TTN: variants seen among roughly 807,000 people sequenced by gnomAD.
TTN encodes titin.
Under a neutral mutation model 3,223.0 loss-of-function variants are expected in TTN, and 1,525 were observed. The observed-to-expected ratio is 0.47, with a 90% CI of 0.45 to 0.49. The LOEUF (loss-of-function observed/expected upper bound fraction) is 0.49. Among genes scored for constraint, TTN ranks in the 20% least tolerant of loss-of-function variants. The pLI is 0.00. For synonymous variants in TTN, 14,094 were observed against 15,161.0 expected (o/e 0.93, Z 5.17); for missense variants, 40,786 against 43,424.0 (o/e 0.94, Z 5.40).
rs1224789093 is a variant in TTN at position 178,554,598 on chromosome 2, C to T, written c.88749G>A (p.Met29583Ile). 6.2e-7 allele frequency: 1 copy of T among 1,613,850 alleles called. No individual in the cohort carries two copies. The highest frequency in any genetic ancestry group is 8.5e-7 in the Non-Finnish European group (1 of 1,179,834). ...TGCACTCTTCCAAATGTTCAGACAC[C>T]ATAGACCACACAACGCGGCTTGTCT... ...KRETSRVVWS[M>I]VSEHLEECII... is the part of the protein sequence containing the mutation. The change falls in exon 332 of 363, where the codon ATG becomes ATA. Residue 29583 changes from methionine to isoleucine, a missense_variant. Physicochemically the swap from Met to Ile is conservative, Grantham distance 10. Coordinates refer to ENST00000589042, the MANE Select transcript of TTN (RefSeq NM_001267550.2).
chr2:178,641,358 A>G (rs760132082), intron 219 of TTN, 43 bp from the exon 220 acceptor site: 1 of 1,152,836 alleles, frequency 8.7e-7, no homozygotes, highest in South Asian at 1.5e-5. Flanking sequence ...AGACAAACTA[A>G]TGAAGATGTT....
chr2:178,731,746 C>A lies in TTN; in HGVS notation c.17129G>T (p.Arg5710Leu). 1 of 1,613,638 alleles carries A rather than the reference C, an allele frequency of 6.2e-7. No homozygotes were observed. Among genetic ancestry groups the A allele is most frequent in the Non-Finnish European group, 8.5e-7 (1 of 1,179,716 alleles). Residue 5710 changes from arginine to leucine, a missense_variant, in exon 58 of 363, where the codon CGG (arginine) becomes CTG (leucine). Physicochemically the swap from Arg to Leu is moderately radical, Grantham distance 102. Transcript: ENST00000589042. ...GCTGCTGCCCACCTCATTGGTCACC[C>A]GACACTGGTATTCGCCAGCATCTGC... ...VAADAGEYQC[R>L]VTNEVGSSIC... is the part of the protein sequence containing the mutation.
intron 2 of TTN, 99 bp downstream of exon 2, chr2:178,804,453 A>T: frequency 8.3e-7 from 1 of 1,207,946 alleles, no homozygotes; most frequent in Non-Finnish European, 1.2e-6. Flanking sequence ...TCCGAAGTGA[A>T]AGCAGGGCTT....
Position 178,576,437 on chromosome 2 carries a change from C to A in TTN, c.69716-21G>T. On this transcript the variant is annotated intron_variant, in intron 325 of 362. Transcript: ENST00000589042. The surrounding 1 kb of genome is among the most constrained non-coding windows in gnomAD (Gnocchi z 4.3). ...AGGATCTGAGAAAGAAACAAAGACA[C>A]AAAAGTATATATTCAGAGTTTGGCT... The A allele has an allele frequency of 3.2e-6, 5 of 1,581,122 alleles. No individual in the cohort carries two copies. Among genetic ancestry groups the A allele is most frequent in the Non-Finnish European group, 3.4e-6 (4 of 1,170,726 alleles).
At chr2:178,747,807 C>T in intron 47 of TTN, 1 of 1,612,656 alleles carries the variant, frequency 6.2e-7, no homozygotes, top group Non-Finnish European at 8.5e-7. Flanking sequence ...TCATTCTGAA[C>T]TTGAACTTCT....
At chr2:178,794,779 T>A in intron 7 of TTN, 143 bp downstream of exon 7, 1 of 1,180,838 alleles carries the variant, frequency 8.5e-7, no homozygotes, top group Non-Finnish European at 1.2e-6. Flanking sequence ...GCATGACTAC[T>A]GAATTTGGTC....
Position 178,539,365 on chromosome 2 carries a change from G to A in TTN, c.98683+17C>T. On this transcript the variant is annotated intron_variant, in intron 352 of 362. Transcript: ENST00000589042. ...CTGAAATAATGTTTATAATTTTGTG[G>A]TTGAAAGGGCACTTACTCAATGGTG... 1.9e-6 allele frequency: 3 copies of A among 1,604,792 alleles called. No individual in the cohort carries two copies. The highest frequency in any genetic ancestry group is 2.6e-6 in the Non-Finnish European group (3 of 1,173,648).
intron 149 of TTN, 32 bp downstream of exon 149, chr2:178,675,639 A>G (rs949775126): frequency 2.2e-6 from 3 of 1,382,850 alleles, no homozygotes; most frequent in Non-Finnish European, 2.8e-6. Context: ...ACATCGGTGC[A>G]GCAAACATAT....
At position 178,728,516 on chromosome 2, in the gene TTN, G is replaced by A; in HGVS notation, c.19410C>T (p.Ala6470=). 1 of 1,610,536 alleles carries A rather than the reference G, an allele frequency of 6.2e-7. No individual in the cohort carries two copies. Among genetic ancestry groups the A allele is most frequent in the Middle Eastern group, 1.7e-4 (1 of 6,042 alleles). The change falls in exon 66 of 363, where the codon GCC becomes GCT. Residue 6470 remains alanine (A), a synonymous_variant. Coordinates refer to ENST00000589042, the MANE Select transcript of TTN (RefSeq NM_001267550.2). The part of the protein sequence containing the change: ...ENDFGSSSCD[A]YLRVLDQNIP... ...GATACAAACCTAGCACTCTTAAGTA[G>A]GCATCACAGCTACTGCTTCCGAAGT...
intron 204 of TTN, 52 bp downstream of exon 204, chr2:178,652,044 A>G: frequency 1.2e-6 from 2 of 1,612,204 alleles, no homozygotes; most frequent in Non-Finnish European, 1.7e-6. Flanking sequence ...TTTTTACAAC[A>G]CTAAGGAAAG....
intron 216 of TTN, 35 bp downstream of exon 216, chr2:178,646,450 T>C (rs1456368409): frequency 2.2e-6 from 3 of 1,392,982 alleles, no homozygotes; most frequent in Middle Eastern, 1.8e-4. Flanking sequence ...AGAAAGAATA[T>C]GATAAAGAAG....
At position 178,722,354 on chromosome 2, in the gene TTN, A is replaced by C. The variant is rs912873564; in HGVS notation, c.22433T>G (p.Ile7478Ser). The C allele has an allele frequency of 6.2e-7, 1 of 1,613,110 alleles. No homozygotes were observed. Among genetic ancestry groups the C allele is most frequent in the African/African-American group, 1.3e-5 (1 of 74,858 alleles). ...SFVDNVATLKILQTDLSHSGQ... is the reference protein window; with the variant it reads ...SFVDNVATLKSLQTDLSHSGQ... ...AGAGTGACTCAAGTCAGTTTGCAAA[A>C]TTTTTAAAGTTGCCACATTATCTAC... The change falls in exon 77 of 363, where the codon ATT (isoleucine) becomes AGT (serine). Residue 7478 changes from isoleucine (I) to serine (S), a missense_variant. Ile to Ser is a moderately radical substitution (Grantham distance 142). Coordinates refer to ENST00000589042, the MANE Select transcript of TTN (RefSeq NM_001267550.2).
At chr2:178,647,040 G>GTATATATATATA (rs10580462) in intron 215 of TTN, 24 bp downstream of exon 215, 101 of 731,440 alleles carry the variant, frequency 1.4e-4, no homozygotes, top group Admixed American at 6.5e-4. Flanking sequence ...TTAAAAAAAT[G>GTATATATATATA]TATATATATA....
chr2:178,532,568 G>C lies in TTN; in HGVS notation c.104047C>G (p.Leu34683Val), dbSNP rs775454484. 1.5e-5 allele frequency: 25 copies of C among 1,613,860 alleles called. No homozygotes were observed. Among genetic ancestry groups the C allele is most frequent in the Non-Finnish European group, 2.0e-5 (24 of 1,179,880 alleles). The change falls in exon 358 of 363, where the codon CTT becomes GTT. Residue 34683 changes from leucine (L) to valine (V), a missense_variant. Coordinates refer to ENST00000589042, the MANE Select transcript of TTN (RefSeq NM_001267550.2). Reference sequence around the variant, plus strand: ...AAACCTAACTCAAGCTCTTCTTCAAGACGCAGCCTCTCTTCCTCTGTTCTT... The same window carrying C: ...AAACCTAACTCAAGCTCTTCTTCAACACGCAGCCTCTCTTCCTCTGTTCTT... The part of the protein sequence containing the change: ...MKRTEEERLR[L>V]EEELELGFSA...
chr2:178,761,780 G>A (rs2089267494), intron 43 of TTN, among the ~76,000 whole-genome samples: 1 of 152,164 alleles, frequency 6.6e-6, no homozygotes, highest in East Asian at 1.9e-4. Context: ...AACAATAAAT[G>A]GTAGAATTAA....
chr2:178,770,376 G>A (rs780488606), intron 35 of TTN, 36 bp downstream of exon 35: 1 of 1,614,106 alleles, frequency 6.2e-7, no homozygotes, highest in Non-Finnish European at 8.5e-7. Flanking sequence ...GTAACCATGG[G>A]CTGACTGCTT....
intron 321 of TTN, 93 bp downstream of exon 321, chr2:178,578,518 A>G: frequency 1.1e-6 from 1 of 938,648 alleles, no homozygotes; most frequent in Non-Finnish European, 1.7e-6. Context: ...TAAGCAGATA[A>G]TGTTATCGAT....
At position 178,633,508 on chromosome 2, in the gene TTN, C is replaced by T. The variant is rs368572799; in HGVS notation, c.42851G>A (p.Arg14284His). The T allele has an allele frequency of 3.2e-5, 52 of 1,613,124 alleles. No homozygotes were observed. Among genetic ancestry groups the T allele is most frequent in the East Asian group, 2.0e-4 (9 of 44,746 alleles). Reference protein sequence around the residue: ...KYSIKADGLRRILKIKKADLK... With the variant: ...KYSIKADGLRHILKIKKADLK... ...GTCCGCCTTTTTGATTTTTAAGATG[C>T]GGCGCAGGCCATCTGCCTTGATAGA... Residue 14284 changes from arginine (R) to histidine (H), a missense_variant, in exon 232 of 363, where the codon CGC (arginine) becomes CAC (histidine). Transcript: ENST00000589042.
Position 178,532,881 on chromosome 2 carries a change from A to T in TTN, c.103734T>A (p.Tyr34578Ter). ...MKWYKKIRDQ[Y>*]EMPGKLDRVV... ...CTCTGTCAAGTTTCCCAGGCATTTC[A>T]TACTGATCACGTATCTTTTTATACC... Residue 34578 changes from tyrosine to a stop codon, truncating the protein, a stop_gained, in exon 358 of 363, where the codon TAT becomes TAA. Coordinates refer to ENST00000589042, the MANE Select transcript of TTN (RefSeq NM_001267550.2). LOFTEE classifies it high-confidence loss of function. 6.2e-7 allele frequency: 1 copy of T among 1,613,942 alleles called. No homozygotes were observed. Among genetic ancestry groups the T allele is most frequent in the Non-Finnish European group, 8.5e-7 (1 of 1,179,862 alleles).
Sources: allele counts gnomAD v4.1 joint callset (sites outside exome capture counted in the v4.1 genomes callset), GRCh38; gene constraint gnomAD v4.1.1; non-coding constraint Gnocchi (gnomAD v3.1); transcripts MANE v1.5; gene names NCBI Gene and HGNC (gene_info 2026-07-23, HGNC 2026-07-21).